IRAK3: variants seen among roughly 807,000 people sequenced by gnomAD.
The protein encoded by IRAK3 is interleukin-1 receptor-associated kinase 3.
IRAK3 carries 57 observed loss-of-function variants against 56.6 expected under a neutral mutation model. The observed-to-expected ratio is 1.01, with a 90% CI of 0.81 to 1.26. The LOEUF (loss-of-function observed/expected upper bound fraction) is 1.26. IRAK3 is among the 50% of genes most tolerant of loss of function. The pLI is 0.00. For synonymous variants in IRAK3, 258 were observed against 255.7 expected (o/e 1.01, Z -0.09); for missense variants, 703 against 719.0 (o/e 0.98, Z 0.25).
intron 5 of IRAK3, among the ~76,000 whole-genome samples, chr12:66,214,497 C>T (rs1168641): frequency 0.55 from 83,457 of 151,754 alleles, 24,812 homozygotes; most frequent in South Asian, 0.65. Context: ...GCCAAGATCA[C>T]GCCACTGCAT....
chr12:66,222,663 C>T (rs181974896), intron 6 of IRAK3, among the ~76,000 whole-genome samples: 7 of 151,916 alleles, frequency 4.6e-5, no homozygotes, highest in Admixed American at 3.3e-4. Context: ...TATAATATTC[C>T]TTACCTATTT....
chr12:66,224,351 T>C (rs1242512580), intron 6 of IRAK3, among the ~76,000 whole-genome samples: 1 of 152,176 alleles, frequency 6.6e-6, no homozygotes, highest in African/African-American at 2.4e-5. Context: ...AGAAATGGGA[T>C]TGGGAGAGAA....
intron 2 of IRAK3, among the ~76,000 whole-genome samples, chr12:66,208,582 G>A (rs1183477572): frequency 1.3e-5 from 2 of 148,880 alleles, no homozygotes; most frequent in Admixed American, 6.7e-5. Flanking sequence ...CCAACATGGT[G>A]AAACCCTGTC....
chr12:66,189,368 G>T lies in IRAK3; in HGVS notation c.69G>T (p.Ala23=), dbSNP rs1232564260. 1 of 1,530,194 alleles carries T rather than the reference G, an allele frequency of 6.5e-7. No individual in the cohort carries two copies. The highest frequency in any genetic ancestry group is 8.7e-7 in the Non-Finnish European group (1 of 1,144,566). The allele number at this position is 1,530,194 out of a possible 1,614,324, so 94.8% of individuals were successfully genotyped here. A position where few individuals can be genotyped will look rare whatever the true frequency, so the allele number is the denominator to read the frequency against. Residue 23 remains alanine (A), a synonymous_variant, in exon 1 of 12, where the codon GCG becomes GCT. Transcript: ENST00000261233. ...AHTLLFDLPP[A]LLGELCAVLD... ...CGCTGCTGTTCGACCTGCCGCCCGC[G>T]CTGCTCGGAGAGCTCTGCGCTGTTC...
At chr12:66,199,015 C>A (rs1382831235) in intron 1 of IRAK3, among the ~76,000 whole-genome samples, 1 of 152,130 alleles carries the variant, frequency 6.6e-6, no homozygotes, top group Non-Finnish European at 1.5e-5. Context: ...GCCTTAGCCT[C>A]CCAAAGTGCT....
intron 8 of IRAK3, among the ~76,000 whole-genome samples, chr12:66,233,757 A>ATTGAAGT (rs1444713697): frequency 1.3e-5 from 2 of 151,358 alleles, no homozygotes; most frequent in Middle Eastern, 6.8e-3. Context: ...TACCCAGAAA[A>ATTGAAGT]TTGAAGTTTT....
At chr12:66,226,650 C>G (rs2052789181) in intron 6 of IRAK3, 73 bp from the exon 7 acceptor site, 2 of 852,286 alleles carry the variant, frequency 2.3e-6, no homozygotes, top group South Asian at 2.7e-5. Flanking sequence ...CCTTACTACC[C>G]CCACACCAGT....
At chr12:66,245,813 G>C (rs538730637) in intron 11 of IRAK3, among the ~76,000 whole-genome samples, 1 of 152,080 alleles carries the variant, frequency 6.6e-6, no homozygotes, top group South Asian at 2.1e-4. Context: ...TCTTCATTAA[G>C]AGATCTGGCT....
intron 3 of IRAK3, 97 bp from the exon 4 acceptor site, chr12:66,210,050 A>C (rs2052596427): frequency 6.3e-6 from 5 of 789,582 alleles, no homozygotes; most frequent in East Asian, 2.4e-5. Flanking sequence ...ACTCTGTTGC[A>C]CTGCATAGTC....
At chr12:66,217,624 A>C (rs2052690244) in intron 6 of IRAK3, among the ~76,000 whole-genome samples, 1 of 152,162 alleles carries the variant, frequency 6.6e-6, no homozygotes, top group African/African-American at 2.4e-5. Flanking sequence ...TAGACAAAGA[A>C]ATCAAGCGCT....
At chr12:66,194,285 A>C (rs1003883880) in intron 1 of IRAK3, among the ~76,000 whole-genome samples, 1 of 152,114 alleles carries the variant, frequency 6.6e-6, no homozygotes. Flanking sequence ...CACTTCTCTA[A>C]GCTAACACCC....
In IRAK3 at chr12:66,230,308, T is replaced by A. The variant is rs559157655; in HGVS notation, c.887+1938T>A. Among the ~76,000 whole-genome samples the A allele has an allele frequency of 2.6e-5, 4 of 150,954 alleles. No homozygotes were observed. In the South Asian group the frequency reaches 8.5e-4, roughly 32 times the overall value. On this transcript the variant is annotated intron_variant, in intron 8 of 11. Transcript: ENST00000261233. ...GAAGCACAGATTTACCTGCAGGAGG[T>A]TTTTAAGGGAGGGCTCTCAGGGACA...
At position 66,250,565 on chromosome 12, in the gene IRAK3, A is replaced by G. The variant is rs1242836169; in HGVS notation, c.*2394A>G. On this transcript the variant is annotated 3_prime_UTR_variant, in exon 12 of 12. Transcript: ENST00000261233. ...TGCTCTGTACGGTATCTGGCTGCTC[A>G]GAGCTCTCTGATTCACAAAAGAGAT... The G allele has an allele frequency of 6.6e-6, 1 of 152,262 alleles. No individual in the cohort carries two copies. Among genetic ancestry groups the G allele is most frequent in the African/African-American group, 2.4e-5 (1 of 41,468 alleles). 9.4% of individuals were successfully genotyped at this position (152,262 alleles called of 1,614,324 possible). A position where few individuals can be genotyped will look rare whatever the true frequency, so the allele number is the denominator to read the frequency against.
chr12:66,250,570 T>C lies in IRAK3; in HGVS notation c.*2399T>C, dbSNP rs1247808533. ...TGTACGGTATCTGGCTGCTCAGAGC[T>C]CTCTGATTCACAAAAGAGATCATCA... On this transcript the variant is annotated 3_prime_UTR_variant, in exon 12 of 12. Transcript: ENST00000261233. 6.6e-6 allele frequency: 1 copy of C among 152,224 alleles called. No homozygotes were observed. Among genetic ancestry groups the C allele is most frequent in the Non-Finnish European group, 1.5e-5 (1 of 68,054 alleles). The allele number at this position is 152,224 out of a possible 1,614,324, so 9.4% of individuals were successfully genotyped here.
chr12:66,220,998 G>A (rs533116093), intron 6 of IRAK3, among the ~76,000 whole-genome samples: 2 of 152,078 alleles, frequency 1.3e-5, no homozygotes, highest in East Asian at 3.9e-4. Flanking sequence ...TTCAATTCAG[G>A]TATGTAATGC....
At chr12:66,236,787 A>C (rs1458217782) in intron 8 of IRAK3, among the ~76,000 whole-genome samples, 5 of 152,186 alleles carry the variant, frequency 3.3e-5, no homozygotes, top group Non-Finnish European at 7.3e-5. Flanking sequence ...TTACAGGAGA[A>C]CGTGACCCTG....
chr12:66,209,917 T>C (rs1000992917), intron 3 of IRAK3, among the ~76,000 whole-genome samples: 1 of 152,206 alleles, frequency 6.6e-6, no homozygotes, highest in Non-Finnish European at 1.5e-5. Context: ...TGACTTTGAC[T>C]GACTATGACA....
At position 66,189,329 on chromosome 12, in the gene IRAK3, G is replaced by T; in HGVS notation, c.30G>T (p.Ala10=). Residue 10 remains alanine, a synonymous_variant, in exon 1 of 12, where the codon GCG becomes GCT. Coordinates refer to ENST00000261233, the MANE Select transcript of IRAK3 (RefSeq NM_007199.3). MAGNCGARG[A]LSAHTLLFDL... is the part of the protein sequence containing the mutation. ...CGGGGAACTGTGGGGCCCGCGGCGCGCTGTCGGCGCACACGCTGCTGTTCG... is the reference window on the plus strand; with the variant it reads ...CGGGGAACTGTGGGGCCCGCGGCGCTCTGTCGGCGCACACGCTGCTGTTCG... 1 of 1,533,022 alleles carries T rather than the reference G, an allele frequency of 6.5e-7. No individual in the cohort carries two copies. Among genetic ancestry groups the T allele is most frequent in the Non-Finnish European group, 8.7e-7 (1 of 1,145,896 alleles). 95.0% of individuals were successfully genotyped at this position (1,533,022 alleles called of 1,614,324 possible).
intron 7 of IRAK3, 94 bp from the exon 8 acceptor site, chr12:66,228,158 A>C (rs1592594741): frequency 1.1e-6 from 1 of 917,428 alleles, no homozygotes; most frequent in South Asian, 1.3e-5. Context: ...CCACCTTGCT[A>C]TCTACTTCTA....
Sources: allele counts gnomAD v4.1 joint callset (sites outside exome capture counted in the v4.1 genomes callset), GRCh38; gene constraint gnomAD v4.1.1; transcripts MANE v1.5; gene names NCBI Gene and HGNC (gene_info 2026-07-23, HGNC 2026-07-21).